The following PRTN3 variants were observed in gnomAD, a reference collection of about 807,000 sequenced individuals.
The protein encoded by PRTN3 is myeloblastin.
In PRTN3, 22 loss-of-function variants were observed where a neutral mutation model predicts 20.7. The observed-to-expected ratio is 1.06, with a 90% CI of 0.76 to 1.52. The LOEUF (loss-of-function observed/expected upper bound fraction) is 1.52. Among genes scored for constraint, PRTN3 ranks in the 40% most tolerant of loss-of-function variants. The pLI is 0.00. For missense variants in PRTN3, 378 were observed against 359.6 expected (o/e 1.05, Z -0.41); for synonymous variants, 173 against 152.9 (o/e 1.13, Z -0.97).
intron 3 of PRTN3, among the ~76,000 whole-genome samples, chr19:845,901 A>G (rs766961764): frequency 3.9e-5 from 6 of 152,002 alleles, no homozygotes; most frequent in Non-Finnish European, 7.4e-5. Flanking sequence ...GTGAGCCGAG[A>G]TCACGCCACT....
intron 3 of PRTN3, among the ~76,000 whole-genome samples, chr19:844,242 TCTCCCCC>T (rs2035485817): frequency 1.2e-4 from 2 of 16,540 alleles, no homozygotes; most frequent in East Asian, 1.3e-3. Context: ...CGCCCGCGCC[TCTCCCCC>T]GCCCGCGCCT....
chr19:844,152 C>G, intron 3 of PRTN3, 118 bp downstream of exon 3: 3 of 1,351,326 alleles, frequency 2.2e-6, no homozygotes, highest in Non-Finnish European at 2.0e-6. Context: ...ACCGAGGCCG[C>G]TGCAGCCTGG....
At chr19:847,399 T>C (rs997738150) in intron 4 of PRTN3, among the ~76,000 whole-genome samples, 14 of 151,148 alleles carry the variant, frequency 9.3e-5, no homozygotes, top group African/African-American at 3.4e-4. Flanking sequence ...ATCACGGCAC[T>C]GCACTCCAGC....
In PRTN3 at chr19:848,076, C is replaced by CGGGTG; in HGVS notation, c.*109_*110insGTGGG. 2.2e-6 allele frequency: 3 copies of CGGGTG among 1,350,654 alleles called. No individual in the cohort carries two copies. The highest frequency in any genetic ancestry group is 2.4e-5 in the Admixed American group (1 of 42,152). The allele number at this position is 1,350,654 out of a possible 1,614,324, so 83.7% of individuals were successfully genotyped here. The stretch of plus-strand genomic sequence containing the variant: ...TCCCCGAACACTGTGGCGTCCGGGA[C>CGGGTG]GGCCCCACCCGTCCCCCCACACTCC... On this transcript the variant is annotated 3_prime_UTR_variant, in exon 5 of 5. Transcript: ENST00000234347.
At chr19:846,099 A>ACCGTGAC (rs768097216) in intron 3 of PRTN3, 48 bp from the exon 4 acceptor site, 32 of 1,374,048 alleles carry the variant, frequency 2.3e-5, no homozygotes, top group Non-Finnish European at 3.0e-5. Context: ...CCGGGCGGCC[A>ACCGTGAC]CCGTGACCTG....
chr19:844,399 GCCCGCGCC>G, intron 3 of PRTN3, among the ~76,000 whole-genome samples: 1 of 54,910 alleles, frequency 1.8e-5, no homozygotes, highest in African/African-American at 8.7e-5. Flanking sequence ...CCTCTCCCCT[GCCCGCGCC>G]TCTCCCCTGC....
At chr19:842,744 C>A (rs573770879) in intron 1 of PRTN3, among the ~76,000 whole-genome samples, 2 of 151,282 alleles carry the variant, frequency 1.3e-5, no homozygotes, top group Non-Finnish European at 2.9e-5. Context: ...CGTGCCACCA[C>A]GCCCAGCTAA....
At chr19:845,543 G>A (rs991867755) in intron 3 of PRTN3, among the ~76,000 whole-genome samples, 9 of 151,738 alleles carry the variant, frequency 5.9e-5, no homozygotes, top group East Asian at 3.9e-4. Flanking sequence ...GGCAAACCCC[G>A]TGTCTACTAA....
At position 843,428 on chromosome 19, in the gene PRTN3, G is replaced by T. The variant is rs559376698; in HGVS notation, c.62-33G>T. On this transcript the variant is annotated intron_variant, in intron 1 of 4. Transcript: ENST00000234347. ...CATCCCCCCTTTCCCTGCAGCCTGG[G>T]GGCTCCCTGACGCCTGGACTCCCCC... The T allele has an allele frequency of 2.4e-4, 360 of 1,518,502 alleles. 6 individuals carry two copies. The South Asian group carries it at 4.1e-3, about 17-fold the overall frequency. The allele number at this position is 1,518,502 out of a possible 1,614,324, so 94.1% of individuals were successfully genotyped here. A position where few individuals can be genotyped will look rare whatever the true frequency, so the allele number is the denominator to read the frequency against.
At chr19:846,019 C>G in intron 3 of PRTN3, 128 bp from the exon 4 acceptor site, 1 of 592,904 alleles carries the variant, frequency 1.7e-6, no homozygotes, top group South Asian at 2.5e-5. Context: ...GGTCGTGGGG[C>G]CCAGGCGGAG....
Position 847,525 on chromosome 19 carries a change from G to GAGAAAGAA in PRTN3, c.601-256_601-249dup, listed in dbSNP as rs201984870. 4.6e-3 allele frequency among the ~76,000 whole-genome samples: 686 copies of GAGAAAGAA among 147,730 alleles called. 1 individual carries two copies. The highest frequency in any genetic ancestry group is 7.5e-3 in the African/African-American group (296 of 39,616). On this transcript the variant is annotated intron_variant, in intron 4 of 4. Transcript: ENST00000234347. Reference sequence around the variant, plus strand: ...AAGAAAGAAGAAAGAAAGAAAAAGAGAGAAAGAAAGAAAGAAAGAAAGAAA... The same window carrying GAGAAAGAA: ...AAGAAAGAAGAAAGAAAGAAAAAGAGAGAAAGAAAGAAAGAAAGAAAGAAAGAAAGAAA...
rs766274340 is a variant in PRTN3, at chr19:848,019, C to G, written c.*50C>G. 3 of 1,546,356 alleles carry G rather than the reference C, an allele frequency of 1.9e-6. No individual in the cohort carries two copies. Among genetic ancestry groups the G allele is most frequent in the Non-Finnish European group, 2.6e-6 (3 of 1,147,380 alleles). On this transcript the variant is annotated 3_prime_UTR_variant, in exon 5 of 5. Transcript: ENST00000234347. ...GGGACCCCGAGCCTGGCTCCAAACCCTCGAGGCGGATCTTTGGACAGAAGC... is the reference window on the plus strand; with the variant it reads ...GGGACCCCGAGCCTGGCTCCAAACCGTCGAGGCGGATCTTTGGACAGAAGC...
intron 1 of PRTN3, 42 bp from the exon 2 acceptor site, chr19:843,419 G>A: frequency 6.7e-7 from 1 of 1,502,740 alleles, no homozygotes; most frequent in Non-Finnish European, 8.9e-7. Flanking sequence ...CCCTTTCCCT[G>A]CAGCCTGGGG....
intron 1 of PRTN3, among the ~76,000 whole-genome samples, chr19:842,586 A>ATTTTTTTT (rs71174326): frequency 0.081 from 5,306 of 65,240 alleles, 683 homozygotes; most frequent in Middle Eastern, 0.11. Flanking sequence ...CACCTGGCTA[A>ATTTTTTTT]TTTTTTTTTT....
chr19:846,074 T>C, intron 3 of PRTN3, 73 bp from the exon 4 acceptor site: 1 of 1,146,226 alleles, frequency 8.7e-7, no homozygotes, highest in Non-Finnish European at 1.2e-6. Context: ...GTGGTGGGTG[T>C]GGTGGGAGGG....
chr19:845,121 T>G (rs902944570), intron 3 of PRTN3, among the ~76,000 whole-genome samples: 4 of 151,960 alleles, frequency 2.6e-5, no homozygotes, highest in African/African-American at 9.7e-5. Context: ...CTAATTTTTG[T>G]ATTTTTAGTA....
Position 844,025 on chromosome 19 carries a change from C to G in PRTN3, c.360C>G (p.Leu120=), listed in dbSNP as rs771120315. ...CGGAGAACAAACTGAACGACGTTCT[C>G]CTCATCCAGGTGGGCGGGCAGGGCC... The part of the protein sequence containing the change: ...YDAENKLNDV[L]LIQLSSPANL... Residue 120 remains leucine (L), a synonymous_variant, in exon 3 of 5, where the codon CTC becomes CTG. Transcript: ENST00000234347. 6.2e-7 allele frequency: 1 copy of G among 1,603,910 alleles called. No individual in the cohort carries two copies. The highest frequency in any genetic ancestry group is 1.3e-5 in the African/African-American group (1 of 74,786).
Position 847,820 on chromosome 19 carries a change from A to G in PRTN3, c.622A>G (p.Ile208Val), listed in dbSNP as rs553995047. ...CCAGGGAGACTCAGGTGGCCCCCTG[A>G]TCTGTGATGGCATCATCCAAGGAAT... ...ICFGDSGGPL[I>V]CDGIIQGIDS... Residue 208 changes from isoleucine (I) to valine (V), a missense_variant, in exon 5 of 5, where the codon ATC (isoleucine) becomes GTC (valine). Ile to Val is a conservative substitution (Grantham distance 29). Transcript: ENST00000234347. 5.0e-6 allele frequency: 8 copies of G among 1,608,910 alleles called. No individual in the cohort carries two copies. The South Asian group carries it at 8.9e-5, about 18-fold the overall frequency.
Position 846,388 on chromosome 19 carries a change from G to A in PRTN3, c.600+11G>A, listed in dbSNP as rs1380056553. The A allele has an allele frequency of 1.1e-5, 17 of 1,548,448 alleles. No individual in the cohort carries two copies. The highest frequency in any genetic ancestry group is 2.7e-5 in the African/African-American group (2 of 72,780). On this transcript the variant is annotated intron_variant, in intron 4 of 4. Coordinates refer to ENST00000234347, the MANE Select transcript of PRTN3 (RefSeq NM_002777.4). ...GCCGGCATCTGCTTCGTAAGTAACC[G>A]TGCCCCCACCCCGGGCACCGGGCTG...
Sources: gnomAD v4.1 joint callset for allele counts (sites outside exome capture counted in the v4.1 genomes callset) on GRCh38, gnomAD v4.1.1 for gene constraint, MANE v1.5 for transcripts, NCBI Gene and HGNC (gene_info 2026-07-23, HGNC 2026-07-21) for gene names.